Variants in ECD observed in about 807,000 individuals in gnomAD.
The protein encoded by ECD is ecdysoneless cell cycle regulator, also known as protein ecdysoneless homolog.
Under a neutral mutation model 77.2 loss-of-function variants are expected in ECD, and 59 were observed. That is an observed-to-expected ratio of 0.76 (90% CI 0.62 to 0.95). The LOEUF (loss-of-function observed/expected upper bound fraction) is 0.95, where lower values mean the gene tolerates loss of function less well. Ranked by LOEUF, ECD falls within the 40% of genes least tolerant of loss-of-function variation. The probability of loss-of-function intolerance (pLI) is 0.00; values close to 1 mark genes in which losing one functional copy is unlikely to be tolerated. For missense variants in ECD, 704 were observed against 763.4 expected (o/e 0.92, Z 0.92); for synonymous variants, 233 against 267.4 (o/e 0.87, Z 1.26).
chr10:73,155,272 T>C (rs943774068), intron 5 of ECD, among the ~76,000 whole-genome samples: 4 of 151,964 alleles, frequency 2.6e-5, no homozygotes, highest in Non-Finnish European at 5.9e-5. Context: ...TTCACCATGT[T>C]GGTCAGGATG....
rs141641524 is a variant in ECD, at chr10:73,139,467, A to T, written c.1263T>A (p.Asp421Glu). The change falls in exon 11 of 14, where the codon GAT becomes GAA. Residue 421 changes from aspartate to glutamate, a missense_variant. Around this residue, in one of 3 missense-constraint regions of ECD, gnomAD observed 559 missense variants for 583.7 expected, o/e 0.96. Transcript: ENST00000372979. ...DDDQWLDLSP[D>E]QLDQLLQEAV... Reference sequence around the variant, plus strand: ...CTTCCTGCAGCAGCTGGTCCAGCTGATCTGGTGAGAGATCTAACCACTGGT... The same window carrying T: ...CTTCCTGCAGCAGCTGGTCCAGCTGTTCTGGTGAGAGATCTAACCACTGGT... 3 of 1,613,894 alleles carry T rather than the reference A, an allele frequency of 1.9e-6. No individual in the cohort carries two copies. The highest frequency in any genetic ancestry group is 2.5e-6 in the Non-Finnish European group (3 of 1,180,000).
chr10:73,159,191 G>A (rs1843342221), intron 3 of ECD, among the ~76,000 whole-genome samples: 1 of 152,206 alleles, frequency 6.6e-6, no homozygotes, highest in South Asian at 2.1e-4. Flanking sequence ...CAGAATTTGG[G>A]TGCTGACTAG....
chr10:73,139,584 A>C, intron 10 of ECD, 47 bp downstream of exon 10: 1 of 1,577,346 alleles, frequency 6.3e-7, no homozygotes, highest in Non-Finnish European at 8.6e-7. Flanking sequence ...AGAACATTTT[A>C]ATTTTTTTTT....
Position 73,160,457 on chromosome 10 carries a change from C to T in ECD, c.300G>A (p.Lys100=). 3 of 1,599,166 alleles carry T rather than the reference C, an allele frequency of 1.9e-6. No homozygotes were observed. The highest frequency in any genetic ancestry group is 1.1e-5 in the South Asian group (1 of 87,118). The change falls in exon 3 of 14, where the codon AAG becomes AAA. Residue 100 remains lysine (K), a synonymous_variant. Transcript: ENST00000372979. ...ACCTTGCTACTAACTCTGGAAATTC[C>T]TTTGTGATCTGCTTTATTACATAAA... ...FIVYVIKQIT[K]EFPELVARIE... is the part of the protein sequence containing the mutation.
chr10:73,149,001 C>T (rs2133259109), intron 7 of ECD, among the ~76,000 whole-genome samples: 1 of 152,202 alleles, frequency 6.6e-6, no homozygotes, highest in Admixed American at 6.5e-5. Context: ...CCTTTTGTTG[C>T]TCAATGGACG....
chr10:73,141,885 A>G (rs1036087750), intron 9 of ECD, among the ~76,000 whole-genome samples: 1 of 152,226 alleles, frequency 6.6e-6, no homozygotes, highest in African/African-American at 2.4e-5. Context: ...ACAGGGTGCC[A>G]TCAATTTATG....
intron 2 of ECD, 48 bp downstream of exon 2, chr10:73,163,685 G>A (rs776605425): frequency 5.1e-6 from 8 of 1,576,650 alleles, no homozygotes; most frequent in Admixed American, 1.7e-5. Context: ...ACTGTTGTCA[G>A]GATAACATTA....
chr10:73,155,213 C>G (rs972366317), intron 5 of ECD, among the ~76,000 whole-genome samples: 1 of 151,822 alleles, frequency 6.6e-6, no homozygotes, highest in South Asian at 2.1e-4. Flanking sequence ...ACTACAGGGG[C>G]CTGCCACCAC....
chr10:73,146,433 CT>C, intron 8 of ECD, 72 bp from the exon 9 acceptor site: 1 of 1,016,904 alleles, frequency 9.8e-7, no homozygotes, highest in Non-Finnish European at 1.4e-6. Context: ...TCACCAGCAA[CT>C]TTCAGGGAGG....
rs1264681515 is a variant in ECD at position 73,154,329 on chromosome 10, A to G, written c.710T>C (p.Leu237Pro). The G allele has an allele frequency of 3.7e-6, 6 of 1,614,092 alleles. No homozygotes were observed. The highest frequency in any genetic ancestry group is 1.3e-5 in the African/African-American group (1 of 75,038). ...AGCTCGCAGGTCAATAGGGTCTCGT[A>G]GGTAAAATGCCTGGACTGCTGCAGC... is the stretch of plus-strand genomic sequence containing the variant. Reference protein sequence around the residue: ...LVAAAVQAFYLRDPIDLRACR... With the variant: ...LVAAAVQAFYPRDPIDLRACR... The change falls in exon 6 of 14, where the codon CTA becomes CCA. Residue 237 changes from leucine to proline, a missense_variant. Coordinates refer to ENST00000372979, the MANE Select transcript of ECD (RefSeq NM_007265.3).
At position 73,139,748 on chromosome 10, in the gene ECD, TA is replaced by T. The variant is rs779721621; in HGVS notation, c.1128-12del. On this transcript the variant is annotated splice_polypyrimidine_tract_variant and intron_variant, in intron 9 of 13. Coordinates refer to ENST00000372979, the MANE Select transcript of ECD (RefSeq NM_007265.3). ...CTCATAGCAAGAGAACTATGAAAAA[TA>T]AAAAACATGAGTATTTCTTCATAAG... 3.9e-6 allele frequency: 6 copies of T among 1,528,476 alleles called. No homozygotes were observed. Among genetic ancestry groups the T allele is most frequent in the Admixed American group, 3.8e-5 (2 of 53,330 alleles). The allele number at this position is 1,528,476 out of a possible 1,614,324, so 94.7% of individuals were successfully genotyped here.
At chr10:73,159,486 T>C (rs1843345796) in intron 3 of ECD, among the ~76,000 whole-genome samples, 1 of 152,236 alleles carries the variant, frequency 6.6e-6, no homozygotes, top group South Asian at 2.1e-4. Context: ...TGGTGATTAC[T>C]TCTGGGAAGC....
At chr10:73,143,457 C>T (rs1048104998) in intron 9 of ECD, among the ~76,000 whole-genome samples, 8 of 152,198 alleles carry the variant, frequency 5.3e-5, no homozygotes, top group Admixed American at 2.6e-4. Flanking sequence ...TGAGCCACTG[C>T]GCCCAGCCTG....
chr10:73,155,877 T>A (rs1843289438), intron 5 of ECD, among the ~76,000 whole-genome samples: 2 of 152,194 alleles, frequency 1.3e-5, no homozygotes, highest in Admixed American at 6.5e-5. Flanking sequence ...GTGCTGGGAT[T>A]ACAGGTGTGA....
chr10:73,151,432 C>T (rs1468154070), intron 7 of ECD, among the ~76,000 whole-genome samples: 3 of 151,266 alleles, frequency 2.0e-5, no homozygotes, highest in Middle Eastern at 3.4e-3. Context: ...ATATAAATGA[C>T]GAGTTAATGG....
intron 8 of ECD, among the ~76,000 whole-genome samples, chr10:73,146,764 C>T (rs1249097197): frequency 6.7e-6 from 1 of 148,628 alleles, no homozygotes; most frequent in Non-Finnish European, 1.5e-5. Context: ...TGGTGAGACC[C>T]TGCCTCTATG....
chr10:73,143,323 C>T (rs1843082225), intron 9 of ECD, among the ~76,000 whole-genome samples: 1 of 147,944 alleles, frequency 6.8e-6, no homozygotes, highest in Non-Finnish European at 1.5e-5. Flanking sequence ...GGCGTGCCAA[C>T]ACGCCCAGCT....
At chr10:73,164,458 A>T (rs1020908717) in intron 1 of ECD, among the ~76,000 whole-genome samples, 2 of 152,028 alleles carry the variant, frequency 1.3e-5, no homozygotes, top group Non-Finnish European at 1.5e-5. Flanking sequence ...TATTTATTTA[A>T]TTTTTTTAAA....
intron 9 of ECD, among the ~76,000 whole-genome samples, chr10:73,144,330 C>A (rs746548648): frequency 3.3e-5 from 5 of 152,020 alleles, no homozygotes; most frequent in Non-Finnish European, 4.4e-5. Flanking sequence ...AGACAGAGAG[C>A]AGAATAATGG....
Sources: allele counts gnomAD v4.1 joint callset (sites outside exome capture counted in the v4.1 genomes callset), GRCh38; gene constraint gnomAD v4.1.1; regional missense constraint gnomAD v4.1.1; transcripts MANE v1.5; gene names NCBI Gene and HGNC (gene_info 2026-07-23, HGNC 2026-07-21).